KNL1: variants seen among roughly 807,000 people sequenced by gnomAD.
KNL1 encodes the protein kinetochore scaffold 1.
KNL1 carries 66 observed loss-of-function variants against 201.3 expected under a neutral mutation model. That is an observed-to-expected ratio of 0.33 (90% CI 0.27 to 0.40). The LOEUF (loss-of-function observed/expected upper bound fraction) is 0.40, where lower values mean the gene tolerates loss of function less well. Among genes scored for constraint, KNL1 ranks in the 10% least tolerant of loss-of-function variants. The probability of loss-of-function intolerance (pLI) is 1.00; values close to 1 mark genes in which losing one functional copy is unlikely to be tolerated. For synonymous variants in KNL1, 895 were observed against 899.2 expected, an observed-to-expected ratio of 1.00 and a Z score of 0.08; for missense variants, 2,815 against 2,690.5, an observed-to-expected ratio of 1.05 and a Z score of -1.02.
intron 8 of KNL1, among the ~76,000 whole-genome samples, chr15:40,618,112 A>T (rs1892404222): frequency 6.7e-6 from 1 of 149,390 alleles, no homozygotes; most frequent in Admixed American, 6.8e-5. Context: ...GTATTTTTAA[A>T]TGTATTTCCT....
Position 40,623,606 on chromosome 15 carries a change from T to C in KNL1, c.3342T>C (p.Ser1114=), listed in dbSNP as rs949727831. The C allele has an allele frequency of 6.2e-7, 1 of 1,613,602 alleles. No homozygotes were observed. The highest frequency in any genetic ancestry group is 1.3e-5 in the African/African-American group (1 of 74,918). Residue 1114 remains serine (S), a synonymous_variant, in exon 10 of 26, where the codon TCT becomes TCC. Transcript: ENST00000399668. ...AGGACTTCCATTTGGCAGGGGCTTC[T>C]AAAACTATTTTGTATTCATGTGGGC... ...DKEDFHLAGA[S]KTILYSCGQD... is the part of the protein sequence containing the mutation.
At chr15:40,597,732 G>A (rs1891661366) in intron 1 of KNL1, among the ~76,000 whole-genome samples, 5 of 152,190 alleles carry the variant, frequency 3.3e-5, no homozygotes, top group Admixed American at 2.6e-4. Flanking sequence ...CAGTAAGTTT[G>A]AATTTTATCA....
Position 40,621,891 on chromosome 15 carries a change from T to G in KNL1, c.1627T>G (p.Ser543Ala). 1 of 1,613,886 alleles carries G rather than the reference T, an allele frequency of 6.2e-7. No homozygotes were observed. The highest frequency in any genetic ancestry group is 8.5e-7 in the Non-Finnish European group (1 of 1,179,826). Residue 543 changes from serine (S) to alanine (A), a missense_variant, in exon 10 of 26, where the codon TCT becomes GCT. Around this residue, in one of 3 missense-constraint regions of KNL1, gnomAD observed 2,464 missense variants for 2,291.7 expected, o/e 1.08. Coordinates refer to ENST00000399668, the MANE Select transcript of KNL1 (RefSeq NM_144508.5). Reference protein sequence around the residue: ...NVNCNSVPHVSKERIQQSLSN... With the variant: ...NVNCNSVPHVAKERIQQSLSN... ...AAATTGTAACTCAGTTCCTCATGTA[T>G]CTAAGGAAAGAATACAGCAGAGCCT...
chr15:40,661,056 AT>A (rs765480568), intron 25 of KNL1, among the ~76,000 whole-genome samples: 41 of 152,112 alleles, frequency 2.7e-4, no homozygotes, highest in Admixed American at 9.8e-4. Context: ...CTGCTGACAG[AT>A]TGGAAGATAA....
intron 2 of KNL1, 87 bp downstream of exon 2, chr15:40,603,053 A>C: frequency 1.2e-6 from 1 of 847,838 alleles, no homozygotes. Context: ...ATAACTTCTG[A>C]GATCTTTTTC....
chr15:40,628,241 C>G, intron 11 of KNL1, 33 bp downstream of exon 11: 1 of 1,548,566 alleles, frequency 6.5e-7, no homozygotes, highest in Non-Finnish European at 8.7e-7. Context: ...ATAATAGCAG[C>G]CATCTGCTTA....
intron 13 of KNL1, 96 bp from the exon 14 acceptor site, chr15:40,640,816 A>C (rs1000750376): frequency 7.9e-6 from 6 of 761,702 alleles, no homozygotes; most frequent in Non-Finnish European, 1.3e-5. Flanking sequence ...TCTTTGTAGA[A>C]CATTTTAAAA....
At chr15:40,634,261 C>T (rs1468571719) in intron 13 of KNL1, among the ~76,000 whole-genome samples, 13 of 152,210 alleles carry the variant, frequency 8.5e-5, no homozygotes, top group Admixed American at 8.5e-4. Context: ...CACATGCCAC[C>T]ACACCTGGCC....
chr15:40,618,048 C>T (rs774796794), intron 8 of KNL1, among the ~76,000 whole-genome samples: 8 of 131,702 alleles, frequency 6.1e-5, no homozygotes, highest in East Asian at 2.5e-4. Flanking sequence ...TACTCAAGCT[C>T]GTCATACATT....
In KNL1 at chr15:40,662,318, A is replaced by C. The variant is rs1360416901; in HGVS notation, c.*130A>C. 1.6e-6 allele frequency: 1 copy of C among 622,382 alleles called. No individual in the cohort carries two copies. The allele number at this position is 622,382 out of a possible 1,614,324, so 38.6% of individuals were successfully genotyped here. On this transcript the variant is annotated 3_prime_UTR_variant, in exon 26 of 26. Coordinates refer to ENST00000399668, the MANE Select transcript of KNL1 (RefSeq NM_144508.5). ...AATTCCTTCTGATGATGTTATAGTTAATCTGTATGTTTTTTATATCTCTGC... is the reference window on the plus strand; with the variant it reads ...AATTCCTTCTGATGATGTTATAGTTCATCTGTATGTTTTTTATATCTCTGC...
chr15:40,656,428 GTC>G lies in KNL1; in HGVS notation c.6485-611_6485-610del, dbSNP rs1567023126. Among the ~76,000 whole-genome samples, 8 of 151,692 alleles carry G rather than the reference GTC, an allele frequency of 5.3e-5. No homozygotes were observed. In the South Asian group the frequency reaches 1.7e-3, roughly 32 times the overall value. ...AGCCTGGGCAATAGAGTGACACTCC[GTC>G]TCAAAAAAAGAAATGAAATCCAGGA... is the stretch of plus-strand genomic sequence containing the variant. On this transcript the variant is annotated intron_variant, in intron 22 of 25. Transcript: ENST00000399668.
At chr15:40,605,650 A>T (rs1891947224) in intron 3 of KNL1, among the ~76,000 whole-genome samples, 2 of 152,092 alleles carry the variant, frequency 1.3e-5, no homozygotes, top group African/African-American at 4.8e-5. Context: ...AGGTTTTGCC[A>T]TGTTGCCCAG....
chr15:40,612,282 C>T (rs1892190776), intron 7 of KNL1, among the ~76,000 whole-genome samples: 1 of 152,044 alleles, frequency 6.6e-6, no homozygotes, highest in South Asian at 2.1e-4. Flanking sequence ...TGCCACTGCA[C>T]TCCAGCCTGG....
intron 12 of KNL1, 132 bp downstream of exon 12, chr15:40,628,810 C>A: frequency 1.9e-6 from 1 of 526,100 alleles, no homozygotes; most frequent in Non-Finnish European, 3.3e-6. Flanking sequence ...ATACAGAAGA[C>A]TACTTTTCTT....
chr15:40,632,210 A>AGCC (rs1567014155), intron 13 of KNL1, among the ~76,000 whole-genome samples: 1 of 131,712 alleles, frequency 7.6e-6, no homozygotes. Flanking sequence ...ACATAGCGAG[A>AGCC]CCCCCCCCCA....
At chr15:40,646,113 A>C (rs1334459441) in intron 16 of KNL1, among the ~76,000 whole-genome samples, 1 of 152,234 alleles carries the variant, frequency 6.6e-6, no homozygotes, top group Admixed American at 6.5e-5. Flanking sequence ...ATGTATGCAC[A>C]TGTGTTTAAA....
At chr15:40,659,496 T>A (rs764663007) in intron 25 of KNL1, 35 bp downstream of exon 25, 5 of 1,583,072 alleles carry the variant, frequency 3.2e-6, no homozygotes, top group Non-Finnish European at 4.3e-6. Flanking sequence ...GACTCTGGGC[T>A]ACTTCTTTTT....
Position 40,650,531 on chromosome 15 carries a change from T to TC in KNL1, c.6173-12dup, listed in dbSNP as rs1893524008. The TC allele has an allele frequency of 2.6e-6, 4 of 1,535,218 alleles. No homozygotes were observed. Among genetic ancestry groups the TC allele is most frequent in the Non-Finnish European group, 3.5e-6 (4 of 1,142,246 alleles). On this transcript the variant is annotated splice_polypyrimidine_tract_variant and intron_variant, in intron 18 of 25. Transcript: ENST00000399668. ...ATGTTTGTTCTGTTTTTTTTTTTTTTCTGTTTCCAAAGAATTGGAACAGCT... is the reference window on the plus strand; with the variant it reads ...ATGTTTGTTCTGTTTTTTTTTTTTTTCCTGTTTCCAAAGAATTGGAACAGCT...
At chr15:40,646,189 G>A (rs896093030) in intron 16 of KNL1, among the ~76,000 whole-genome samples, 2 of 152,300 alleles carry the variant, frequency 1.3e-5, no homozygotes, top group African/African-American at 4.8e-5. Context: ...CCATTGGCAA[G>A]TAAGTATGGG....
Sources: allele counts gnomAD v4.1 joint callset (sites outside exome capture counted in the v4.1 genomes callset), GRCh38; gene constraint gnomAD v4.1.1; regional missense constraint gnomAD v4.1.1; transcripts MANE v1.5; gene names NCBI Gene and HGNC (gene_info 2026-07-23, HGNC 2026-07-21).